The following HUNK variants were observed in gnomAD, a reference collection of about 807,000 sequenced individuals.
The protein encoded by HUNK is hormonally up-regulated Neu-associated kinase.
Under a neutral mutation model 61.0 loss-of-function variants are expected in HUNK, and 21 were observed. That is an observed-to-expected ratio of 0.34 (90% CI 0.24 to 0.50). The LOEUF is 0.50. Among genes scored for constraint, HUNK ranks in the 20% least tolerant of loss-of-function variants. The probability of loss-of-function intolerance (pLI) is 0.98; values close to 1 mark genes in which losing one functional copy is unlikely to be tolerated. For synonymous variants in HUNK, 371 were observed against 386.1 expected, an observed-to-expected ratio of 0.96 and a Z score of 0.46; for missense variants, 772 against 945.7, an observed-to-expected ratio of 0.82 and a Z score of 2.41.
chr21:31,902,121 A>C (rs1218004434), intron 1 of HUNK, among the ~76,000 whole-genome samples: 1 of 152,202 alleles, frequency 6.6e-6, no homozygotes, highest in Non-Finnish European at 1.5e-5. Context: ...AAAACACTGT[A>C]CATGCTTCAT....
intron 2 of HUNK, among the ~76,000 whole-genome samples, chr21:31,927,644 A>G (rs559795966): frequency 1.9e-3 from 268 of 139,082 alleles, no homozygotes; most frequent in African/African-American, 6.5e-3. Flanking sequence ...ACTTGTCTGG[A>G]AAAAAAAAAA....
At chr21:31,940,340 C>A in intron 3 of HUNK, 120 bp downstream of exon 3, 1 of 574,482 alleles carries the variant, frequency 1.7e-6, no homozygotes, top group Non-Finnish European at 2.9e-6. Context: ...AGATTATCTT[C>A]TTTTACCTCC....
rs752131693 is a variant in HUNK, at chr21:31,959,014, G to T, written c.874+44G>T. 16 of 1,516,152 alleles carry T rather than the reference G, an allele frequency of 1.1e-5. No individual in the cohort carries two copies. In the East Asian group the frequency reaches 1.2e-4, roughly 11 times the overall value. The allele number at this position is 1,516,152 out of a possible 1,614,324, so 93.9% of individuals were successfully genotyped here. Reference sequence around the variant, plus strand: ...TAGATCACGGTTCAGGACTGCTGTCGTGACCAGTTCGGGTCTACCTGTGAA... The same window carrying T: ...TAGATCACGGTTCAGGACTGCTGTCTTGACCAGTTCGGGTCTACCTGTGAA... On this transcript the variant is annotated intron_variant, in intron 5 of 10. Transcript: ENST00000270112.
intron 1 of HUNK, among the ~76,000 whole-genome samples, chr21:31,919,596 G>A (rs2052609814): frequency 2.0e-5 from 3 of 152,208 alleles, no homozygotes; most frequent in Admixed American, 2.0e-4. Flanking sequence ...CTAACCAATT[G>A]TGGAGCTTCA....
chr21:31,915,006 G>A (rs2052572572), intron 1 of HUNK, among the ~76,000 whole-genome samples: 1 of 151,710 alleles, frequency 6.6e-6, no homozygotes, highest in South Asian at 2.1e-4. Context: ...TATAGTACAG[G>A]TTAATTATCT....
chr21:31,953,538 T>G (rs1015715926), intron 4 of HUNK, among the ~76,000 whole-genome samples: 4 of 152,234 alleles, frequency 2.6e-5, no homozygotes, highest in African/African-American at 9.6e-5. Flanking sequence ...CCGGCCAGGT[T>G]TCCACTCTTA....
intron 3 of HUNK, among the ~76,000 whole-genome samples, chr21:31,940,633 G>A (rs763493146): frequency 1.4e-4 from 21 of 152,220 alleles, no homozygotes; most frequent in Middle Eastern, 6.8e-3. Context: ...AGGCTTGTTG[G>A]TACAATGGGA....
At position 31,924,734 on chromosome 21, in the gene HUNK, C is replaced by T. The variant is rs138021652; in HGVS notation, c.528C>T (p.His176=). 3.7e-6 allele frequency: 6 copies of T among 1,612,086 alleles called. No individual in the cohort carries two copies. The highest frequency in any genetic ancestry group is 5.1e-6 in the Non-Finnish European group (6 of 1,179,286). Residue 176 remains histidine (H), a synonymous_variant, in exon 2 of 11, where the codon CAC becomes CAT. Transcript: ENST00000270112. This position sits in a 1 kb window ranked among gnomAD's most constrained non-coding sequence, Gnocchi z 5.1. ...GACAGCTCATCTCTGCCGTAGAGCA[C>T]CTGCACCGGGCCGGGGTGGTCCACA... is the stretch of plus-strand genomic sequence containing the variant. The part of the protein sequence containing the change: ...YIRQLISAVE[H]LHRAGVVHRD...
chr21:31,952,957 C>T (rs926056972), intron 4 of HUNK, among the ~76,000 whole-genome samples: 6 of 151,952 alleles, frequency 3.9e-5, no homozygotes, highest in South Asian at 2.1e-4. Flanking sequence ...ACGGAGAATC[C>T]AGAAAGCCCC....
chr21:31,904,932 A>T (rs1477221394), intron 1 of HUNK, among the ~76,000 whole-genome samples: 4 of 152,060 alleles, frequency 2.6e-5, no homozygotes, highest in Non-Finnish European at 5.9e-5. Context: ...TAAAAATAGT[A>T]GCCAGCACGG....
intron 3 of HUNK, 144 bp downstream of exon 3, chr21:31,940,364 G>GAA: frequency 5.6e-6 from 3 of 539,810 alleles, no homozygotes; most frequent in Non-Finnish European, 9.5e-6. Context: ...ATTTAATAAT[G>GAA]GTTTTGAAAA....
chr21:31,933,094 T>A (rs2052709488), intron 2 of HUNK, among the ~76,000 whole-genome samples: 2 of 151,782 alleles, frequency 1.3e-5, no homozygotes, highest in African/African-American at 4.8e-5. Flanking sequence ...TTTTTTATTT[T>A]TAGTAGAGAC....
intron 3 of HUNK, 28 bp from the exon 4 acceptor site, chr21:31,946,008 A>T: frequency 6.5e-7 from 1 of 1,548,570 alleles, no homozygotes; most frequent in Non-Finnish European, 8.8e-7. Flanking sequence ...TCTAATTCGG[A>T]GCTTGTTTTG....
chr21:31,965,594 CTTTTTT>C (rs71193162), intron 5 of HUNK, among the ~76,000 whole-genome samples: 6 of 127,482 alleles, frequency 4.7e-5, no homozygotes, highest in East Asian at 2.3e-4. Flanking sequence ...CTTTGTTTTT[CTTTTTT>C]TTTTTTTTTT....
intron 1 of HUNK, among the ~76,000 whole-genome samples, chr21:31,905,561 G>A (rs892083454): frequency 6.6e-6 from 1 of 152,182 alleles, no homozygotes; most frequent in Non-Finnish European, 1.5e-5. Flanking sequence ...CTCCCACTGA[G>A]CTCCCTGTTA....
At chr21:31,961,134 C>T (rs1277883182) in intron 5 of HUNK, among the ~76,000 whole-genome samples, 1 of 152,200 alleles carries the variant, frequency 6.6e-6, no homozygotes, top group Admixed American at 6.5e-5. Flanking sequence ...CTGTCAGCCA[C>T]TACCCTGTAT....
chr21:31,977,705 C>T (rs926663913), intron 7 of HUNK, among the ~76,000 whole-genome samples: 5 of 152,120 alleles, frequency 3.3e-5, no homozygotes, highest in Non-Finnish European at 5.9e-5. Flanking sequence ...CAAAACAAAA[C>T]ACAACAAAAA....
chr21:31,890,172 A>G (rs530390931), intron 1 of HUNK, among the ~76,000 whole-genome samples: 1 of 152,064 alleles, frequency 6.6e-6, no homozygotes, highest in East Asian at 1.9e-4. Context: ...TTTTATTGTC[A>G]ACTTTGCCAC....
At chr21:31,952,006 T>C (rs1339949103) in intron 4 of HUNK, among the ~76,000 whole-genome samples, 2 of 142,130 alleles carry the variant, frequency 1.4e-5, no homozygotes, top group East Asian at 4.1e-4. Context: ...TCTGAGATTA[T>C]TCAGTTATAA....
Sources: allele counts gnomAD v4.1 joint callset (sites outside exome capture counted in the v4.1 genomes callset), GRCh38; gene constraint gnomAD v4.1.1; non-coding constraint Gnocchi (gnomAD v3.1); transcripts MANE v1.5; gene names NCBI Gene and HGNC (gene_info 2026-07-23, HGNC 2026-07-21).